NCOA3: variants seen among roughly 807,000 people sequenced by gnomAD.
The protein encoded by NCOA3 is CBP-interacting protein.
NCOA3 carries 51 observed loss-of-function variants against 158.8 expected under a neutral mutation model. The observed-to-expected ratio is 0.32, with a 90% CI of 0.26 to 0.41. NCOA3 has a LOEUF of 0.41. Among genes scored for constraint, NCOA3 ranks in the 10% least tolerant of loss-of-function variants. The pLI is 1.00. For synonymous variants in NCOA3, 537 were observed against 592.4 expected, an observed-to-expected ratio of 0.91 and a Z score of 1.36; for missense variants, 1,510 against 1,746.6, an observed-to-expected ratio of 0.86 and a Z score of 2.41.
At chr20:47,642,853 C>T (rs1011513968) in intron 17 of NCOA3, among the ~76,000 whole-genome samples, 3 of 152,254 alleles carry the variant, frequency 2.0e-5, no homozygotes, top group South Asian at 2.1e-4. Context: ...TTACATACCC[C>T]GCCTTATGAA....
chr20:47,591,140 C>CA (rs1248524122), intron 2 of NCOA3, among the ~76,000 whole-genome samples: 2 of 152,030 alleles, frequency 1.3e-5, no homozygotes, highest in Non-Finnish European at 2.9e-5. Flanking sequence ...AAAGAAAAAA[C>CA]AAAAGAAAAA....
chr20:47,525,522 G>A (rs1430685359), intron 1 of NCOA3, among the ~76,000 whole-genome samples: 3 of 148,626 alleles, frequency 2.0e-5, no homozygotes, highest in African/African-American at 4.9e-5. Flanking sequence ...GGGCAGAGGC[G>A]CCCCTCACCT....
Position 47,586,959 on chromosome 20 carries a change from G to A in NCOA3, c.-20+3698G>A, listed in dbSNP as rs558637018. On this transcript the variant is annotated intron_variant, in intron 2 of 22. Transcript: ENST00000371998. ...GATTTCTCCACCATTTGGTTTTTTT[G>A]CCCTCTCTTTTGCCAAGCAATAAGC... is the stretch of plus-strand genomic sequence containing the variant. Among the ~76,000 whole-genome samples the A allele has an allele frequency of 9.2e-5, 14 of 152,078 alleles. No homozygotes were observed. The South Asian group carries it at 2.1e-3, about 23-fold the overall frequency.
intron 18 of NCOA3, among the ~76,000 whole-genome samples, chr20:47,648,318 G>A (rs1342507462): frequency 6.6e-6 from 1 of 152,144 alleles, no homozygotes; most frequent in South Asian, 2.1e-4. Flanking sequence ...ACTTTCTGCC[G>A]TTTCTTCACT....
Position 47,634,187 on chromosome 20 carries a change from C to T in NCOA3, c.1104C>T (p.Phe368=). ...NDRHGFVSTH[F]LQREQNGYRP... ...GACATGGCTTTGTCTCAACCCACTT[C>T]CTTCAGAGGTAATGATAGATTACTG... Residue 368 remains phenylalanine (F), a synonymous_variant, in exon 10 of 23, where the codon TTC becomes TTT. Coordinates refer to ENST00000371998, the MANE Select transcript of NCOA3 (RefSeq NM_181659.3). 2 of 1,613,560 alleles carry T rather than the reference C, an allele frequency of 1.2e-6. No individual in the cohort carries two copies. Among genetic ancestry groups the T allele is most frequent in the Non-Finnish European group, 1.7e-6 (2 of 1,179,700 alleles).
chr20:47,587,083 T>A lies in NCOA3; in HGVS notation c.-20+3822T>A, dbSNP rs530387415. On this transcript the variant is annotated intron_variant, in intron 2 of 22. Transcript: ENST00000371998. Reference sequence around the variant, plus strand: ...TGTCTGATCCAGCTTTTTATTGTGATGATTGCAAAATGGTCATTTTTTTCT... The same window carrying A: ...TGTCTGATCCAGCTTTTTATTGTGAAGATTGCAAAATGGTCATTTTTTTCT... Among the ~76,000 whole-genome samples, 90 of 152,338 alleles carry A rather than the reference T, an allele frequency of 5.9e-4. 1 individual carries two copies. The highest frequency in any genetic ancestry group is 3.4e-3 in the Middle Eastern group (1 of 294).
intron 3 of NCOA3, among the ~76,000 whole-genome samples, chr20:47,622,595 T>C (rs1436632885): frequency 1.3e-5 from 2 of 152,142 alleles, no homozygotes; most frequent in Non-Finnish European, 2.9e-5. Flanking sequence ...GAGTTACGAA[T>C]AGATGACCAA....
intron 1 of NCOA3, among the ~76,000 whole-genome samples, chr20:47,549,431 G>C (rs942890162): frequency 1.3e-5 from 2 of 151,672 alleles, no homozygotes; most frequent in African/African-American, 2.4e-5. Flanking sequence ...AGGATGACAG[G>C]TACCTGCGGT....
At chr20:47,504,478 CTTTTTTTTTTTTT>C (rs58220390) in intron 1 of NCOA3, among the ~76,000 whole-genome samples, 1 of 98,666 alleles carries the variant, frequency 1.0e-5, no homozygotes, top group Non-Finnish European at 2.0e-5. Context: ...CTAAGTGTGT[CTTTTTTTTTTTTT>C]TTTTTTTTTT....
At chr20:47,554,996 G>A (rs1253004208) in intron 1 of NCOA3, among the ~76,000 whole-genome samples, 2 of 152,222 alleles carry the variant, frequency 1.3e-5, no homozygotes, top group East Asian at 3.9e-4. Flanking sequence ...CATGGTACTG[G>A]TACCAAAACA....
chr20:47,591,433 A>C (rs902451454), intron 2 of NCOA3, among the ~76,000 whole-genome samples: 1 of 152,226 alleles, frequency 6.6e-6, no homozygotes, highest in African/African-American at 2.4e-5. Flanking sequence ...AAATTATAGC[A>C]TATGAGTCCT....
rs2086849568 is a variant in NCOA3, at chr20:47,654,878, G to T, written c.*1461G>T. ...TGTGTGTGTGTATGTGTGTGTGTGT[G>T]TGTGTATGTTTAATTATGTTACCTT... On this transcript the variant is annotated 3_prime_UTR_variant, in exon 23 of 23. Transcript: ENST00000371998. 1 of 152,030 alleles carries T rather than the reference G, an allele frequency of 6.6e-6. No homozygotes were observed. Among genetic ancestry groups the T allele is most frequent in the Admixed American group, 6.6e-5 (1 of 15,248 alleles). 9.4% of individuals were successfully genotyped at this position (152,030 alleles called of 1,614,324 possible).
At chr20:47,586,505 T>C (rs2085538527) in intron 2 of NCOA3, among the ~76,000 whole-genome samples, 1 of 152,222 alleles carries the variant, frequency 6.6e-6, no homozygotes, top group South Asian at 2.1e-4. Context: ...ATGGTACAGT[T>C]AATAACTTCA....
intron 2 of NCOA3, among the ~76,000 whole-genome samples, chr20:47,606,952 G>A (rs2085957405): frequency 6.6e-6 from 1 of 152,136 alleles, no homozygotes; most frequent in Non-Finnish European, 1.5e-5. Context: ...GATGAGATGG[G>A]TGGTGACATT....
At chr20:47,550,545 TAACA>T (rs1190403691) in intron 1 of NCOA3, among the ~76,000 whole-genome samples, 1 of 152,212 alleles carries the variant, frequency 6.6e-6, no homozygotes, top group East Asian at 1.9e-4. Context: ...AATGACTGAT[TAACA>T]AACGACCTAT....
At chr20:47,600,468 G>T (rs2085842340) in intron 2 of NCOA3, among the ~76,000 whole-genome samples, 2 of 149,656 alleles carry the variant, frequency 1.3e-5, no homozygotes, top group African/African-American at 4.9e-5. Flanking sequence ...GAGCCACCGC[G>T]CATGGCCGCA....
intron 17 of NCOA3, 113 bp downstream of exon 17, chr20:47,642,497 TTATATCAC>T: frequency 1.7e-6 from 1 of 605,528 alleles, no homozygotes; most frequent in Non-Finnish European, 2.5e-6. Flanking sequence ...AGTACTTGTG[TTATATCAC>T]TACATTCATG....
At chr20:47,607,478 C>G (rs1280925396) in intron 2 of NCOA3, among the ~76,000 whole-genome samples, 1 of 152,036 alleles carries the variant, frequency 6.6e-6, no homozygotes, top group African/African-American at 2.4e-5. Flanking sequence ...CTCCCTAGCC[C>G]CTGTGCCCTT....
chr20:47,510,465 G>T (rs1367838687), intron 1 of NCOA3, among the ~76,000 whole-genome samples: 1 of 131,228 alleles, frequency 7.6e-6, no homozygotes, highest in Non-Finnish European at 1.6e-5. Context: ...ATCATATCTA[G>T]AATGGTAGAA....
Sources: allele counts gnomAD v4.1 joint callset (sites outside exome capture counted in the v4.1 genomes callset), GRCh38; gene constraint gnomAD v4.1.1; transcripts MANE v1.5; gene names NCBI Gene and HGNC (gene_info 2026-07-23, HGNC 2026-07-21).